U2AF1L4: variants seen among roughly 807,000 people sequenced by gnomAD.
U2AF1L4 encodes U2 small nuclear RNA auxiliary factor 1 like 4, also known as splicing factor U2AF 26 kDa subunit.
U2AF1L4 carries 21 observed loss-of-function variants against 21.7 expected under a neutral mutation model. That is an observed-to-expected ratio of 0.97 (90% CI 0.69 to 1.39). U2AF1L4 has a LOEUF of 1.39. Ranked by LOEUF, U2AF1L4 falls within the 40% of genes most tolerant of loss-of-function variation. The pLI is 0.00. For missense variants in U2AF1L4, 259 were observed against 245.7 expected (o/e 1.05, Z -0.36); for synonymous variants, 92 against 89.7 (o/e 1.03, Z -0.15).
chr19:35,744,169 C>T, intron 3 of U2AF1L4, 24 bp from the exon 4 acceptor site: 5 of 1,612,012 alleles, frequency 3.1e-6, no homozygotes, highest in Non-Finnish European at 4.2e-6. Flanking sequence ...CAGTCAGGGT[C>T]AGCAGGAGAA....
intron 2 of U2AF1L4, chr19:35,744,786 A>C (rs1599730262): frequency 7.1e-7 from 1 of 1,413,226 alleles, no homozygotes; most frequent in Non-Finnish European, 9.6e-7. Flanking sequence ...GGAACCTTAC[A>C]CCCCAGCCTA....
rs1315364575 is a variant in U2AF1L4 at position 35,744,115 on chromosome 19, C to T, written c.262G>A (p.Val88Met). ...AACCAGCGGTTACTGAGTTCAGCCA[C>T]GGCCCGCTCTCCATCCTCCTCCCTC... ...FRREEDGERAVAELSNRWFNG... is the reference protein window; with the variant it reads ...FRREEDGERAMAELSNRWFNG... The change falls in exon 4 of 6, where the codon GTG becomes ATG. Residue 88 changes from valine (V) to methionine (M), a missense_variant. By Grantham distance (21) the Val-to-Met change is conservative. Coordinates refer to ENST00000378975, the MANE Select transcript of U2AF1L4 (RefSeq NM_001040425.3). 6.2e-7 allele frequency: 1 copy of T among 1,613,980 alleles called. No individual in the cohort carries two copies. Among genetic ancestry groups the T allele is most frequent in the Non-Finnish European group, 8.5e-7 (1 of 1,180,014 alleles).
In U2AF1L4 at chr19:35,742,768, C is replaced by A; in HGVS notation, c.497G>T (p.Arg166Leu). 1 of 1,610,310 alleles carries A rather than the reference C, an allele frequency of 6.2e-7. No individual in the cohort carries two copies. The highest frequency in any genetic ancestry group is 8.5e-7 in the Non-Finnish European group (1 of 1,179,244). The change falls in exon 6 of 6, where the codon CGA (arginine) becomes CTA (leucine). Residue 166 changes from arginine to leucine, a missense_variant. Transcript: ENST00000378975. ...AGGGGAACACCGATGGTTCCTCTCT[C>A]GGGGATGGTGGCCAGTATGGAACCT... ...PPRFHTGHHP[R>L]ERNHRCSPDH...
chr19:35,743,160 G>A, intron 5 of U2AF1L4: 1 of 318,480 alleles, frequency 3.1e-6, no homozygotes, highest in South Asian at 3.0e-5. Flanking sequence ...ATTACCTGAG[G>A]TCCGGAGTTC....
chr19:35,743,971 C>G, intron 4 of U2AF1L4, 41 bp downstream of exon 4: 1 of 1,609,414 alleles, frequency 6.2e-7, no homozygotes, highest in Non-Finnish European at 8.5e-7. Context: ...CATTCAAAGT[C>G]TGGGATTCCA....
intron 1 of U2AF1L4, 50 bp downstream of exon 1, chr19:35,745,298 G>A (rs912046232): frequency 3.8e-6 from 6 of 1,580,570 alleles, no homozygotes; most frequent in Admixed American, 1.7e-5. Flanking sequence ...CAGGACCCCA[G>A]TACCCCGGCC....
rs755279963 is a variant in U2AF1L4, at chr19:35,743,876, AG to A, written c.393del (p.Phe132SerfsTer91). 4.3e-6 allele frequency: 7 copies of A among 1,613,744 alleles called. No individual in the cohort carries two copies. Among genetic ancestry groups the A allele is most frequent in the Middle Eastern group, 1.6e-4 (1 of 6,062 alleles). On this transcript the variant is annotated frameshift_variant, in exon 5 of 6. Transcript: ENST00000378975. LOFTEE classifies it high-confidence loss of function. ...TGGGAAATGGGCCGCAGATGCATGAAGTTGCAGAAGCCACCTCGGGTACATT... is the reference window on the plus strand; with the variant it reads ...TGGGAAATGGGCCGCAGATGCATGAATTGCAGAAGCCACCTCGGGTACATT... ...MGECTRGGFC[N>X]FMHLRPISQN...
chr19:35,744,208 C>T (rs1036391734), intron 3 of U2AF1L4, 63 bp from the exon 4 acceptor site: 15 of 1,605,432 alleles, frequency 9.3e-6, no homozygotes, highest in Non-Finnish European at 1.3e-5. Flanking sequence ...ACTCACTACC[C>T]GCTCTGGGGC....
rs1221243339 is a variant in U2AF1L4, at chr19:35,742,756, T to C, written c.509A>G (p.His170Arg). The C allele has an allele frequency of 1.2e-6, 2 of 1,610,374 alleles. No homozygotes were observed. The highest frequency in any genetic ancestry group is 2.2e-5 in the East Asian group (1 of 44,870). Residue 170 changes from histidine (H) to arginine (R), a missense_variant, in exon 6 of 6, where the codon CAT becomes CGT. His to Arg is a conservative substitution (Grantham distance 29, BLOSUM62 0). Coordinates refer to ENST00000378975, the MANE Select transcript of U2AF1L4 (RefSeq NM_001040425.3). ...HTGHHPRERNHRCSPDHWHGR... is the reference protein window; with the variant it reads ...HTGHHPRERNRRCSPDHWHGR... Reference sequence around the variant, plus strand: ...ATGCCAGTGATCAGGGGAACACCGATGGTTCCTCTCTCGGGGATGGTGGCC... The same window carrying C: ...ATGCCAGTGATCAGGGGAACACCGACGGTTCCTCTCTCGGGGATGGTGGCC...
intron 2 of U2AF1L4, chr19:35,744,910 C>T: frequency 1.4e-6 from 1 of 706,340 alleles, no homozygotes; most frequent in South Asian, 1.8e-5. Flanking sequence ...GAACAGCCGC[C>T]GTGTGTAGCC....
chr19:35,744,175 G>A (rs764624757), intron 3 of U2AF1L4, 30 bp from the exon 4 acceptor site: 10 of 1,610,948 alleles, frequency 6.2e-6, no homozygotes, highest in South Asian at 3.3e-5. Context: ...GGGTCAGCAG[G>A]AGAACTCAGA....
At chr19:35,745,072 A>T in intron 2 of U2AF1L4, 53 bp downstream of exon 2, 1 of 1,549,592 alleles carries the variant, frequency 6.5e-7, no homozygotes, top group Non-Finnish European at 8.8e-7. Context: ...ACGGCCCCAG[A>T]AGGGGAAGGG....
In U2AF1L4 at chr19:35,742,647, G is replaced by T. The variant is rs376864164; in HGVS notation, c.*72C>A. The T allele has an allele frequency of 1.9e-6, 3 of 1,613,556 alleles. No individual in the cohort carries two copies. The highest frequency in any genetic ancestry group is 2.5e-6 in the Non-Finnish European group (3 of 1,179,982). On this transcript the variant is annotated 3_prime_UTR_variant, in exon 6 of 6. Transcript: ENST00000378975. ...GGGAAGGATGGGGCAGGAGAGTGAA[G>T]GGGGCTTTGAGGAGAGGTCCTGCCA...
chr19:35,743,609 C>T (rs918425755), intron 5 of U2AF1L4, 200 bp downstream of exon 5: 9 of 608,520 alleles, frequency 1.5e-5, no homozygotes, highest in Non-Finnish European at 2.6e-5. Flanking sequence ...ATTGCTTGAA[C>T]CCGGGAGGCG....
At position 35,742,642 on chromosome 19, in the gene U2AF1L4, G is replaced by A. The variant is rs1181188081; in HGVS notation, c.*77C>T. On this transcript the variant is annotated 3_prime_UTR_variant, in exon 6 of 6. Coordinates refer to ENST00000378975, the MANE Select transcript of U2AF1L4 (RefSeq NM_001040425.3). ...AGCCTGGGAAGGATGGGGCAGGAGAGTGAAGGGGGCTTTGAGGAGAGGTCC... is the reference window on the plus strand; with the variant it reads ...AGCCTGGGAAGGATGGGGCAGGAGAATGAAGGGGGCTTTGAGGAGAGGTCC... The A allele has an allele frequency of 6.2e-7, 1 of 1,613,614 alleles. No homozygotes were observed. The highest frequency in any genetic ancestry group is 1.7e-5 in the Admixed American group (1 of 59,980).
rs962999877 is a variant in U2AF1L4, at chr19:35,744,057, G to A, written c.320C>T (p.Pro107Leu). ...NGQAVHGELS[P>L]VTDFRESCCR... Reference sequence around the variant, plus strand: ...GCATGACTCCCGGAAGTCAGTGACAGGAGACAGCTCACCGTGCACAGCCTG... The same window carrying A: ...GCATGACTCCCGGAAGTCAGTGACAAGAGACAGCTCACCGTGCACAGCCTG... The change falls in exon 4 of 6, where the codon CCT (proline) becomes CTT (leucine). Residue 107 changes from proline to leucine, a missense_variant. By Grantham distance (98) the Pro-to-Leu change is moderately conservative (BLOSUM62 -3). Coordinates refer to ENST00000378975, the MANE Select transcript of U2AF1L4 (RefSeq NM_001040425.3). 8 of 1,614,064 alleles carry A rather than the reference G, an allele frequency of 5.0e-6. No individual in the cohort carries two copies. Among genetic ancestry groups the A allele is most frequent in the Admixed American group, 1.7e-5 (1 of 60,024 alleles).
chr19:35,743,638 G>T (rs1299974796), intron 5 of U2AF1L4, 171 bp downstream of exon 5: 10 of 666,894 alleles, frequency 1.5e-5, no homozygotes, highest in Non-Finnish European at 2.6e-5. Flanking sequence ...CATGAACCAA[G>T]ATGGTGCCAA....
rs1236418923 is a variant in U2AF1L4, at chr19:35,745,176, GCA to G, written c.79_80del (p.Cys27ProfsTer31). 1.2e-6 allele frequency: 2 copies of G among 1,613,612 alleles called. No individual in the cohort carries two copies. Among genetic ancestry groups the G allele is most frequent in the Non-Finnish European group, 1.7e-6 (2 of 1,180,002 alleles). ...GCCGGGAGCACCGGTCCCCGTGCCG[GCA>G]GACCCCGATCTTAAAGTAAAAAGAG... The part of the protein sequence containing the change: ...NCSFYFKIGV[C>X]RHGDRCSRLH... On this transcript the variant is annotated frameshift_variant, in exon 2 of 6. Coordinates refer to ENST00000378975, the MANE Select transcript of U2AF1L4 (RefSeq NM_001040425.3). LOFTEE classifies it high-confidence loss of function.
At chr19:35,744,603 C>A in intron 2 of U2AF1L4, 182 bp from the exon 3 acceptor site, 1 of 1,538,334 alleles carries the variant, frequency 6.5e-7, no homozygotes, top group East Asian at 2.4e-5. Context: ...TCACCTTGCC[C>A]CCAGGCCTGG....
Sources: gnomAD v4.1 joint callset for allele counts on GRCh38, gnomAD v4.1.1 for gene constraint, MANE v1.5 for transcripts, NCBI Gene and HGNC (gene_info 2026-07-23, HGNC 2026-07-21) for gene names.